Variants in COL7A1 observed in about 807,000 individuals in gnomAD.
COL7A1 encodes the protein collagen type VII alpha 1 chain.
Under a neutral mutation model 456.2 loss-of-function variants are expected in COL7A1, and 296 were observed. That is an observed-to-expected ratio of 0.65 (90% CI 0.59 to 0.71). The LOEUF is 0.71. Among genes scored for constraint, COL7A1 ranks in the 30% least tolerant of loss-of-function variants. COL7A1 has a pLI of 0.00. For missense variants in COL7A1, 3,441 were observed against 4,017.2 expected (o/e 0.86, Z 3.88); for synonymous variants, 1,464 against 1,525.9 (o/e 0.96, Z 0.95).
At position 48,575,735 on chromosome 3, in the gene COL7A1, C is replaced by T. The variant is rs1340588200; in HGVS notation, c.5870G>A (p.Arg1957Gln). Reference sequence around the variant, plus strand: ...CTCATCCCAGGTCTCCACGATCTCCCGCAGGGCAGATGCCTGAGGGACAGC... The same window carrying T: ...CTCATCCCAGGTCTCCACGATCTCCTGCAGGGCAGATGCCTGAGGGACAGC... ...ETAGIKASALREIVETWDESS... is the reference protein window; with the variant it reads ...ETAGIKASALQEIVETWDESS... Residue 1957 changes from arginine to glutamine, a missense_variant, in exon 73 of 119, where the codon CGG becomes CAG. Around this residue, in one of 3 missense-constraint regions of COL7A1, gnomAD observed 2,084 missense variants for 2,501.3 expected, o/e 0.83. Transcript: ENST00000681320. This position sits in a 1 kb window ranked among gnomAD's most constrained non-coding sequence, Gnocchi z 6.3. The T allele has an allele frequency of 1.9e-5, 31 of 1,614,004 alleles. No homozygotes were observed. Among genetic ancestry groups the T allele is most frequent in the Non-Finnish European group, 2.3e-5 (27 of 1,180,020 alleles).
rs779034671 is a variant in COL7A1 at position 48,590,185 on chromosome 3, G to A, written c.2050+28C>T. 1.9e-6 allele frequency: 3 copies of A among 1,608,064 alleles called. No individual in the cohort carries two copies. The highest frequency in any genetic ancestry group is 1.3e-5 in the African/African-American group (1 of 74,908). ...GGTCTGAAAGAGCAATGGAGGCAGAGAGCCAAGGGACGGGGGCAGGGCCTG... is the reference window on the plus strand; with the variant it reads ...GGTCTGAAAGAGCAATGGAGGCAGAAAGCCAAGGGACGGGGGCAGGGCCTG... On this transcript the variant is annotated intron_variant, in intron 16 of 118. Coordinates refer to ENST00000681320, the MANE Select transcript of COL7A1 (RefSeq NM_000094.4). The surrounding 1 kb of genome is among the most constrained non-coding windows in gnomAD (Gnocchi z 4.6).
chr3:48,577,405 C>T (rs1488950605), intron 65 of COL7A1, among the ~76,000 whole-genome samples: 1 of 152,238 alleles, frequency 6.6e-6, no homozygotes, highest in Non-Finnish European at 1.5e-5. Flanking sequence ...TGGCCCATGT[C>T]TGCATATGGG....
Position 48,579,563 on chromosome 3 carries a change from A to T in COL7A1, c.5235+25T>A, listed in dbSNP as rs1329275379. The T allele has an allele frequency of 1.2e-6, 2 of 1,613,578 alleles. No individual in the cohort carries two copies. The highest frequency in any genetic ancestry group is 2.2e-5 in the East Asian group (1 of 44,868). On this transcript the variant is annotated intron_variant, in intron 59 of 118. Coordinates refer to ENST00000681320, the MANE Select transcript of COL7A1 (RefSeq NM_000094.4). This position sits in a 1 kb window ranked among gnomAD's most constrained non-coding sequence, Gnocchi z 4.4. ...TCAGAGCAGGCCCTCCCATGCCTGC[A>T]CCCCCGAGGACCAATCACACTCACC... is the stretch of plus-strand genomic sequence containing the variant.
At position 48,578,797 on chromosome 3, in the gene COL7A1, C is replaced by T. The variant is rs2044507716; in HGVS notation, c.5424+122G>A. 9.5e-7 allele frequency: 1 copy of T among 1,051,490 alleles called. No homozygotes were observed. The highest frequency in any genetic ancestry group is 1.6e-5 in the African/African-American group (1 of 62,264). 65.1% of individuals were successfully genotyped at this position (1,051,490 alleles called of 1,614,324 possible). A position where few individuals can be genotyped will look rare whatever the true frequency, so the allele number is the denominator to read the frequency against. On this transcript the variant is annotated intron_variant, in intron 63 of 118. Transcript: ENST00000681320. The surrounding 1 kb of genome is among the most constrained non-coding windows in gnomAD (Gnocchi z 4.7). ...AAACCTGTGTGCCAGGGACTGAGAC[C>T]CTCCCAAAGGCAAGGCTGAACCGAC...
Position 48,574,773 on chromosome 3 carries a change from C to A in COL7A1, c.6348+24G>T, listed in dbSNP as rs1179618995. The A allele has an allele frequency of 6.2e-7, 1 of 1,613,800 alleles. No homozygotes were observed. The highest frequency in any genetic ancestry group is 8.5e-7 in the Non-Finnish European group (1 of 1,180,022). On this transcript the variant is annotated intron_variant, in intron 77 of 118. Coordinates refer to ENST00000681320, the MANE Select transcript of COL7A1 (RefSeq NM_000094.4). The surrounding 1 kb of genome is among the most constrained non-coding windows in gnomAD (Gnocchi z 5.0). ...CCCTAGTGCCATGGCAGAGGGTGGC[C>A]CCGAGCTGATTCCACACACTGACCT...
chr3:48,580,467 G>A lies in COL7A1; in HGVS notation c.5052+114C>T. ...AGATGCGTGTGTGCAGGGGTCAAAG[G>A]AAGTGAAGATTGGGAGGGTTTAGCA... On this transcript the variant is annotated intron_variant, in intron 55 of 118. Coordinates refer to ENST00000681320, the MANE Select transcript of COL7A1 (RefSeq NM_000094.4). The surrounding 1 kb of genome is among the most constrained non-coding windows in gnomAD (Gnocchi z 4.5). 1 of 1,476,442 alleles carries A rather than the reference G, an allele frequency of 6.8e-7. No homozygotes were observed. The highest frequency in any genetic ancestry group is 9.3e-7 in the Non-Finnish European group (1 of 1,069,636). The allele number at this position is 1,476,442 out of a possible 1,614,324, so 91.5% of individuals were successfully genotyped here. A position where few individuals can be genotyped will look rare whatever the true frequency, so the allele number is the denominator to read the frequency against.
chr3:48,573,062 G>A lies in COL7A1; in HGVS notation c.6715-6C>T, dbSNP rs200826657. On this transcript the variant is annotated splice_polypyrimidine_tract_variant and splice_region_variant and intron_variant, in intron 85 of 118. Transcript: ENST00000681320. The surrounding 1 kb of genome is among the most constrained non-coding windows in gnomAD (Gnocchi z 5.5). ...CCTGGAGACCCCTGTGGACCCTGACGGAGAACAAGTCGGATGTCAGGGTGA... is the reference window on the plus strand; with the variant it reads ...CCTGGAGACCCCTGTGGACCCTGACAGAGAACAAGTCGGATGTCAGGGTGA... 24 of 1,614,132 alleles carry A rather than the reference G, an allele frequency of 1.5e-5. No homozygotes were observed. Among genetic ancestry groups the A allele is most frequent in the Non-Finnish European group, 1.7e-5 (20 of 1,180,030 alleles).
Position 48,566,613 on chromosome 3 carries a change from C to G in COL7A1, c.8304+47G>C, listed in dbSNP as rs1172811352. 6.2e-7 allele frequency: 1 copy of G among 1,614,062 alleles called. No individual in the cohort carries two copies. The highest frequency in any genetic ancestry group is 1.3e-5 in the African/African-American group (1 of 74,930). On this transcript the variant is annotated intron_variant, in intron 112 of 118. Transcript: ENST00000681320. The surrounding 1 kb of genome is among the most constrained non-coding windows in gnomAD (Gnocchi z 5.9). ...CTGTGACCTCTGACCTCAGGGACAA[C>G]AGAAGTCACCCCGATCTCTGACCCA...
Position 48,572,481 on chromosome 3 carries a change from T to A in COL7A1, c.6936+22A>T, listed in dbSNP as rs1266840310. On this transcript the variant is annotated intron_variant, in intron 89 of 118. Coordinates refer to ENST00000681320, the MANE Select transcript of COL7A1 (RefSeq NM_000094.4). This position sits in a 1 kb window ranked among gnomAD's most constrained non-coding sequence, Gnocchi z 4.6. ...CCCCCACCAGTTGACCCCCCCTCAC[T>A]GGCAGCCCCACACACACTCACCTTC... 1 of 1,612,358 alleles carries A rather than the reference T, an allele frequency of 6.2e-7. No individual in the cohort carries two copies. The highest frequency in any genetic ancestry group is 8.5e-7 in the Non-Finnish European group (1 of 1,179,414).
Position 48,583,022 on chromosome 3 carries a change from C to T in COL7A1, c.4509G>A (p.Ala1503=), listed in dbSNP as rs748294033. ...EKGERGPPGP[A]GSRGLPGVAG... ...CAGCCAGTGGGTTTACCCGGGATCC[C>T]GCTGGGCCTGGGGGTCCACGTTCGC... is the stretch of plus-strand genomic sequence containing the variant. Residue 1503 remains alanine (A), a synonymous_variant, in exon 44 of 119, where the codon GCG becomes GCA. Coordinates refer to ENST00000681320, the MANE Select transcript of COL7A1 (RefSeq NM_000094.4). This position sits in a 1 kb window ranked among gnomAD's most constrained non-coding sequence, Gnocchi z 5.1. 1.7e-5 allele frequency: 28 copies of T among 1,613,874 alleles called. No individual in the cohort carries two copies. The highest frequency in any genetic ancestry group is 5.3e-5 in the African/African-American group (4 of 74,848).
Position 48,569,416 on chromosome 3 carries a change from C to T in COL7A1, c.7645G>A (p.Asp2549Asn), listed in dbSNP as rs2043773445. The change falls in exon 103 of 119, where the codon GAC becomes AAC. Residue 2549 changes from aspartate to asparagine, a missense_variant. Coordinates refer to ENST00000681320, the MANE Select transcript of COL7A1 (RefSeq NM_000094.4). The surrounding 1 kb of genome is among the most constrained non-coding windows in gnomAD (Gnocchi z 4.9). ...CCATTGTCTCCCCGAGGTCCTTTGT[C>T]ACCATCCAAGCCCCGAGGCCCTCGT... Reference protein sequence around the residue: ...GERGPRGLDGDKGPRGDNGDP... With the variant: ...GERGPRGLDGNKGPRGDNGDP... 1 of 1,614,038 alleles carries T rather than the reference C, an allele frequency of 6.2e-7. No individual in the cohort carries two copies. The highest frequency in any genetic ancestry group is 1.3e-5 in the African/African-American group (1 of 74,914).
chr3:48,568,229 C>T lies in COL7A1; in HGVS notation c.7795-59G>A, dbSNP rs1458396915. 1.5e-5 allele frequency: 23 copies of T among 1,577,234 alleles called. No individual in the cohort carries two copies. The highest frequency in any genetic ancestry group is 1.2e-4 in the South Asian group (11 of 90,244). The stretch of plus-strand genomic sequence containing the variant: ...AGGTCAGTGAGGGACCAAAGAGAAT[C>T]GCCCTGGATAGTGGGTAGGGAACAC... On this transcript the variant is annotated intron_variant, in intron 105 of 118. Transcript: ENST00000681320. The surrounding 1 kb of genome is among the most constrained non-coding windows in gnomAD (Gnocchi z 5.2).
chr3:48,572,174 G>C lies in COL7A1; in HGVS notation c.6979-3C>G, dbSNP rs2043970459. 6.2e-7 allele frequency: 1 copy of C among 1,613,962 alleles called. No homozygotes were observed. Among genetic ancestry groups the C allele is most frequent in the Non-Finnish European group, 8.5e-7 (1 of 1,180,028 alleles). On this transcript the variant is annotated splice_region_variant and splice_polypyrimidine_tract_variant and intron_variant, in intron 90 of 118. Coordinates refer to ENST00000681320, the MANE Select transcript of COL7A1 (RefSeq NM_000094.4). The surrounding 1 kb of genome is among the most constrained non-coding windows in gnomAD (Gnocchi z 4.6). ...AGTCCTCGGTCACCTTTGGCTCCCT[G>C]TTGACAGAGGTCAGGAGGCAACACA...
rs200931039 is a variant in COL7A1 at position 48,579,177 on chromosome 3, G to A, written c.5388+20C>T. Reference sequence around the variant, plus strand: ...AGGGGTAGGGGAAGGGGACAACCAGGCAGGACTACCAAGACTCACATTCGG... The same window carrying A: ...AGGGGTAGGGGAAGGGGACAACCAGACAGGACTACCAAGACTCACATTCGG... On this transcript the variant is annotated intron_variant, in intron 62 of 118. Coordinates refer to ENST00000681320, the MANE Select transcript of COL7A1 (RefSeq NM_000094.4). This position sits in a 1 kb window ranked among gnomAD's most constrained non-coding sequence, Gnocchi z 4.4. 344 of 1,612,126 alleles carry A rather than the reference G, an allele frequency of 2.1e-4. No homozygotes were observed. The African/African-American group carries it at 3.2e-3, about 15-fold the overall frequency.
In COL7A1 at chr3:48,592,339, TC is replaced by T. The variant is rs772221698; in HGVS notation, c.1093+11del. On this transcript the variant is annotated intron_variant, in intron 9 of 118. Coordinates refer to ENST00000681320, the MANE Select transcript of COL7A1 (RefSeq NM_000094.4). The surrounding 1 kb of genome is among the most constrained non-coding windows in gnomAD (Gnocchi z 7.6). ...GCGCGGGGACTCCCCTCAGCCCACA[TC>T]TCTCACTCACCACTGAGGACCCGCC... 10 of 1,613,344 alleles carry T rather than the reference TC, an allele frequency of 6.2e-6. No homozygotes were observed. The highest frequency in any genetic ancestry group is 8.5e-6 in the Non-Finnish European group (10 of 1,179,934).
In COL7A1 at chr3:48,591,703, C is replaced by T. The variant is rs2045713324; in HGVS notation, c.1477G>A (p.Val493Met). Residue 493 changes from valine to methionine, a missense_variant, in exon 12 of 119, where the codon GTG (valine) becomes ATG (methionine). Around this residue, in one of 3 missense-constraint regions of COL7A1, gnomAD observed 913 missense variants for 1,088.2 expected, o/e 0.84. Transcript: ENST00000681320. This position sits in a 1 kb window ranked among gnomAD's most constrained non-coding sequence, Gnocchi z 7.0. ...TLYTLLEGHE[V>M]ATPATVVPTG... ...GGAACCACGGTTGCAGGGGTGGCCA[C>T]CTCGTGGCCCTCCAGCAGAGTGTAG... 4 of 1,614,126 alleles carry T rather than the reference C, an allele frequency of 2.5e-6. No homozygotes were observed. Among genetic ancestry groups the T allele is most frequent in the South Asian group, 1.1e-5 (1 of 91,088 alleles).
chr3:48,592,129 G>C lies in COL7A1; in HGVS notation c.1213C>G (p.Pro405Ala), dbSNP rs757132559. 8.7e-6 allele frequency: 14 copies of C among 1,614,068 alleles called. No homozygotes were observed. The highest frequency in any genetic ancestry group is 6.7e-5 in the Admixed American group (4 of 60,036). Residue 405 changes from proline to alanine, a missense_variant, in exon 10 of 119, where the codon CCC (proline) becomes GCC (alanine). This residue lies in a region of COL7A1 where 913 missense variants were observed against 1,088.2 expected (regional missense o/e 0.84). Coordinates refer to ENST00000681320, the MANE Select transcript of COL7A1 (RefSeq NM_000094.4). This position sits in a 1 kb window ranked among gnomAD's most constrained non-coding sequence, Gnocchi z 7.6. ...GTGCGAGCCATCAGGGAAGTGGCGG[G>C]CCCCACACTGCGGCCAAATAGGGTG... Reference protein sequence around the residue: ...VSTLFGRSVGPATSLMARTDA... With the variant: ...VSTLFGRSVGAATSLMARTDA...
Position 48,569,907 on chromosome 3 carries a change from AGGG to A in COL7A1, c.7491_7493del (p.Pro2498del), listed in dbSNP as rs1165239659. Reference sequence around the variant, plus strand: ...TCTCCCCACGCTCTCCCCTGCTGCCAGGGGGCCCCTGTGTGAGAGAAGGTGACC... The same window carrying A: ...TCTCCCCACGCTCTCCCCTGCTGCCAGGCCCCTGTGTGAGAGAAGGTGACC... On this transcript the variant is annotated inframe_deletion, in exon 100 of 119. Transcript: ENST00000681320. This position sits in a 1 kb window ranked among gnomAD's most constrained non-coding sequence, Gnocchi z 4.9. The A allele has an allele frequency of 6.2e-7, 1 of 1,613,918 alleles. No homozygotes were observed. Among genetic ancestry groups the A allele is most frequent in the Non-Finnish European group, 8.5e-7 (1 of 1,179,932 alleles).
Position 48,570,676 on chromosome 3 carries a change from G to A in COL7A1, c.7307C>T (p.Pro2436Leu), listed in dbSNP as rs2043856183. ...TGGTCCAGGTGGCCCCAGGGGTCCTGGGATTCCTTCTCTCCCTGGGGGGCC... is the reference window on the plus strand; with the variant it reads ...TGGTCCAGGTGGCCCCAGGGGTCCTAGGATTCCTTCTCTCCCTGGGGGGCC... ...LAGPPGREGI[P>L]GPLGPPGPPG... The change falls in exon 96 of 119, where the codon CCA becomes CTA. Residue 2436 changes from proline (P) to leucine (L), a missense_variant. Pro to Leu is a moderately conservative substitution (Grantham distance 98). Transcript: ENST00000681320. The surrounding 1 kb of genome is among the most constrained non-coding windows in gnomAD (Gnocchi z 5.5). 6.3e-7 allele frequency: 1 copy of A among 1,591,036 alleles called. No homozygotes were observed. Among genetic ancestry groups the A allele is most frequent in the South Asian group, 1.1e-5 (1 of 88,370 alleles).
Sources: gnomAD v4.1 joint callset for allele counts (sites outside exome capture counted in the v4.1 genomes callset) on GRCh38, gnomAD v4.1.1 for gene constraint, gnomAD v4.1.1 regional missense constraint, Gnocchi (gnomAD v3.1) non-coding constraint, MANE v1.5 for transcripts, NCBI Gene and HGNC (gene_info 2026-07-23, HGNC 2026-07-21) for gene names.